SCHIP1: variants seen among roughly 807,000 people sequenced by gnomAD.
The protein encoded by SCHIP1 is schwannomin interacting protein 1, also known as schwannomin-interacting protein 1.
In SCHIP1, 8 loss-of-function variants were observed where a neutral mutation model predicts 29.7. That is an observed-to-expected ratio of 0.27 (90% CI 0.16 to 0.49). The LOEUF (loss-of-function observed/expected upper bound fraction) is 0.49. Ranked by LOEUF, SCHIP1 falls within the 20% of genes least tolerant of loss-of-function variation. The probability of loss-of-function intolerance (pLI) is 0.99; values close to 1 mark genes in which losing one functional copy is unlikely to be tolerated. For missense variants in SCHIP1, 193 were observed against 294.6 expected (o/e 0.66, Z 2.52); for synonymous variants, 76 against 94.9 (o/e 0.80, Z 1.16).
chr3:159,548,517 A>G, the SCHIP1 span, among the ~76,000 whole-genome samples: 1 of 151,816 alleles, frequency 6.6e-6, no homozygotes, highest in East Asian at 1.9e-4. Context: ...CTCAATCTCT[A>G]TCTTCTTTTA....
At chr3:159,401,793 A>G in the SCHIP1 span, among the ~76,000 whole-genome samples, 1 of 152,186 alleles carries the variant, frequency 6.6e-6, no homozygotes, top group Non-Finnish European at 1.5e-5. Flanking sequence ...TAGGTCTAAC[A>G]TGTAAGTCTT....
the SCHIP1 span, among the ~76,000 whole-genome samples, chr3:159,568,670 A>G: frequency 6.6e-6 from 1 of 152,034 alleles, no homozygotes; most frequent in African/African-American, 2.4e-5. Context: ...AAAAATATGT[A>G]TTTTCTAATT....
At chr3:159,369,611 G>C in the SCHIP1 span, among the ~76,000 whole-genome samples, 3 of 152,110 alleles carry the variant, frequency 2.0e-5, no homozygotes, top group African/African-American at 7.2e-5. Flanking sequence ...TAAATTCATA[G>C]ATAACTGCCC....
the SCHIP1 span, among the ~76,000 whole-genome samples, chr3:159,446,773 G>A: frequency 5.9e-5 from 9 of 152,264 alleles, no homozygotes; most frequent in South Asian, 2.1e-4. Context: ...TTAATATTTA[G>A]AAGTGTGCCA....
At chr3:159,355,688 C>T in the SCHIP1 span, among the ~76,000 whole-genome samples, 9 of 152,076 alleles carry the variant, frequency 5.9e-5, no homozygotes, top group East Asian at 1.4e-3. Context: ...TACCCCTTCA[C>T]CCCACCCCAT....
chr3:159,889,891 T>G (rs1055793701), intron 5 of SCHIP1, among the ~76,000 whole-genome samples: 2 of 152,078 alleles, frequency 1.3e-5, no homozygotes, highest in African/African-American at 2.4e-5. Context: ...GGTCAGGAGA[T>G]CGAGACCATC....
At chr3:159,435,648 C>G in the SCHIP1 span, among the ~76,000 whole-genome samples, 1 of 152,166 alleles carries the variant, frequency 6.6e-6, no homozygotes, top group East Asian at 1.9e-4. Context: ...TTCTTGCAGA[C>G]ATTATGCATG....
At chr3:159,671,633 G>A in the SCHIP1 span, among the ~76,000 whole-genome samples, 2 of 152,178 alleles carry the variant, frequency 1.3e-5, no homozygotes, top group Non-Finnish European at 2.9e-5. Context: ...GGGCCAGCCT[G>A]TCATTTACTG....
chr3:159,560,459 C>T, the SCHIP1 span, among the ~76,000 whole-genome samples: 1 of 152,278 alleles, frequency 6.6e-6, no homozygotes, highest in Non-Finnish European at 1.5e-5. Context: ...CCTGTGGCAT[C>T]TTTATGTCCA....
chr3:159,653,123 C>CT, the SCHIP1 span, among the ~76,000 whole-genome samples: 1 of 152,158 alleles, frequency 6.6e-6, no homozygotes, highest in African/African-American at 2.4e-5. Flanking sequence ...AATAGGAACA[C>CT]TTTTACACTG....
chr3:159,813,520 G>A, the SCHIP1 span, among the ~76,000 whole-genome samples: 69 of 151,938 alleles, frequency 4.5e-4, no homozygotes, highest in African/African-American at 1.6e-3. Flanking sequence ...GGGAGACCCC[G>A]TCTCTACAAA....
the SCHIP1 span, among the ~76,000 whole-genome samples, chr3:159,514,986 C>T: frequency 6.6e-6 from 1 of 152,146 alleles, no homozygotes; most frequent in South Asian, 2.1e-4. Context: ...CACATCACAG[C>T]CACGTATCCT....
the SCHIP1 span, among the ~76,000 whole-genome samples, chr3:159,536,186 AC>A: frequency 3.3e-5 from 5 of 152,190 alleles, no homozygotes; most frequent in Admixed American, 3.3e-4. Context: ...CCTGGCTCAA[AC>A]TAGCAAGTTT....
At chr3:159,388,640 G>A in the SCHIP1 span, among the ~76,000 whole-genome samples, 2 of 152,074 alleles carry the variant, frequency 1.3e-5, no homozygotes, top group Admixed American at 6.6e-5. Flanking sequence ...AACATTGAGG[G>A]ACACTTGCCT....
exon 2 of SCHIP1, chr3:159,866,197 A>G (rs1341157364): frequency 3.7e-6 from 6 of 1,613,696 alleles, no homozygotes; most frequent in Non-Finnish European, 5.1e-6. Flanking sequence ...ATCAGACAGA[A>G]GTTGGCACTT....
chr3:159,558,241 A>C, the SCHIP1 span, among the ~76,000 whole-genome samples: 2 of 152,228 alleles, frequency 1.3e-5, no homozygotes, highest in African/African-American at 4.8e-5. Context: ...AAAAACGGGA[A>C]GTATGCATCA....
the SCHIP1 span, among the ~76,000 whole-genome samples, chr3:159,828,385 A>ATGTATATATG: frequency 1.4e-5 from 1 of 71,658 alleles, no homozygotes; most frequent in African/African-American, 4.6e-5. Context: ...ACATATATAT[A>ATGTATATATG]TACATATATA....
At chr3:159,427,993 T>C in the SCHIP1 span, among the ~76,000 whole-genome samples, 1 of 152,154 alleles carries the variant, frequency 6.6e-6, no homozygotes, top group South Asian at 2.1e-4. Context: ...GCTAGCCATA[T>C]GTAGAAAGCT....
At chr3:159,785,351 T>G in the SCHIP1 span, among the ~76,000 whole-genome samples, 1 of 152,344 alleles carries the variant, frequency 6.6e-6, no homozygotes, top group South Asian at 2.1e-4. Flanking sequence ...ATTTGATAGT[T>G]TTTCTAAGAA....
Sources: allele counts gnomAD v4.1 joint callset (sites outside exome capture counted in the v4.1 genomes callset), GRCh38; gene constraint gnomAD v4.1.1; transcripts MANE v1.5; gene names NCBI Gene and HGNC (gene_info 2026-07-23, HGNC 2026-07-21).